The following PLCB4 variants were observed in gnomAD, a reference collection of about 807,000 sequenced individuals.
PLCB4 encodes the protein phospholipase C beta 4.
Under a neutral mutation model 178.8 loss-of-function variants are expected in PLCB4, and 77 were observed. The observed-to-expected ratio is 0.43, with a 90% CI of 0.36 to 0.52. PLCB4 has a LOEUF of 0.52. Among genes scored for constraint, PLCB4 ranks in the 20% least tolerant of loss-of-function variants. The pLI is 0.00. For missense variants in PLCB4, 1,024 were observed against 1,453.4 expected, an observed-to-expected ratio of 0.70 and a Z score of 4.80; for synonymous variants, 496 against 490.8, an observed-to-expected ratio of 1.01 and a Z score of -0.14.
intron 2 of PLCB4, among the ~76,000 whole-genome samples, chr20:9,098,741 A>ATGTGTGTGTGTGTGTG (rs35465129): frequency 3.0e-5 from 4 of 135,466 alleles, no homozygotes; most frequent in Non-Finnish European, 3.1e-5. Context: ...ATATACATAT[A>ATGTGTGTGTGTGTGTG]TGTGTGTGTG....
intron 2 of PLCB4, 30 bp from the exon 3 acceptor site, chr20:9,217,360 A>G (rs2093745097): frequency 6.6e-6 from 1 of 152,196 alleles, no homozygotes; most frequent in South Asian, 2.1e-4. Context: ...AGTCCTTTAC[A>G]TCGATTTGTC....
chr20:9,265,351 C>A (rs1569040433), intron 3 of PLCB4, among the ~76,000 whole-genome samples: 1 of 152,044 alleles, frequency 6.6e-6, no homozygotes, highest in Non-Finnish European at 1.5e-5. Flanking sequence ...GGCATGTTGC[C>A]ACACGCCTGT....
intron 3 of PLCB4, among the ~76,000 whole-genome samples, chr20:9,276,649 C>T (rs1355123140): frequency 6.6e-6 from 1 of 152,058 alleles, no homozygotes; most frequent in Non-Finnish European, 1.5e-5. Flanking sequence ...GCTCTTTCTT[C>T]CCATCATACC....
chr20:9,246,606 C>T (rs939869813), intron 3 of PLCB4, among the ~76,000 whole-genome samples: 10 of 151,676 alleles, frequency 6.6e-5, no homozygotes, highest in Admixed American at 6.6e-4. Context: ...GACAGCACTG[C>T]TTTTTTCAAC....
chr20:9,239,881 T>C (rs2094038050), intron 3 of PLCB4, among the ~76,000 whole-genome samples: 1 of 151,976 alleles, frequency 6.6e-6, no homozygotes, highest in Non-Finnish European at 1.5e-5. Context: ...GAACTTGGAG[T>C]CCAGTGTTCA....
Position 9,272,237 on chromosome 20 carries a change from G to A in PLCB4, c.-15-35563G>A, listed in dbSNP as rs577316042. ...AATATCAAGGTACCATGGCTAAGAAGGTATAACAATTTCTTAATACAGAAC... is the reference window on the plus strand; with the variant it reads ...AATATCAAGGTACCATGGCTAAGAAAGTATAACAATTTCTTAATACAGAAC... On this transcript the variant is annotated intron_variant, in intron 3 of 39. Coordinates refer to ENST00000378473, the MANE Select transcript of PLCB4 (RefSeq NM_001377142.1). Among the ~76,000 whole-genome samples, 19 of 151,918 alleles carry A rather than the reference G, an allele frequency of 1.3e-4. No homozygotes were observed. In the South Asian group the frequency reaches 2.3e-3, roughly 18 times the overall value.
At chr20:9,120,651 G>C (rs1161108517) in intron 2 of PLCB4, among the ~76,000 whole-genome samples, 1 of 152,008 alleles carries the variant, frequency 6.6e-6, no homozygotes, top group Non-Finnish European at 1.5e-5. Flanking sequence ...ATATGTTCCT[G>C]CACTCCCTTG....
intron 4 of PLCB4, among the ~76,000 whole-genome samples, chr20:9,317,303 A>G (rs2094909685): frequency 1.3e-5 from 2 of 152,082 alleles, no homozygotes; most frequent in Admixed American, 6.5e-5. Context: ...CCTTATCTTG[A>G]TAGATCATTG....
At position 9,380,111 on chromosome 20, in the gene PLCB4, G is replaced by A. The variant is rs761141721; in HGVS notation, c.802G>A (p.Ala268Thr). 3.1e-6 allele frequency: 5 copies of A among 1,597,096 alleles called. No individual in the cohort carries two copies. The South Asian group carries it at 3.4e-5, about 11-fold the overall frequency. ...ILFPFYDAKR[A>T]MQIIEMYEPD... is the part of the protein sequence containing the mutation. Reference sequence around the variant, plus strand: ...ATTTCCATTTTATGATGCCAAAAGGGCAATGCAGATCATTGAGATGTATGA... The same window carrying A: ...ATTTCCATTTTATGATGCCAAAAGGACAATGCAGATCATTGAGATGTATGA... Residue 268 changes from alanine (A) to threonine (T), a missense_variant, in exon 13 of 40, where the codon GCA becomes ACA. Around this residue, in one of 7 missense-constraint regions of PLCB4, gnomAD observed 37 missense variants for 28.6 expected, o/e 1.30. Coordinates refer to ENST00000378473, the MANE Select transcript of PLCB4 (RefSeq NM_001377142.1).
At chr20:9,413,303 A>G (rs2039987868) in intron 25 of PLCB4, among the ~76,000 whole-genome samples, 1 of 151,950 alleles carries the variant, frequency 6.6e-6, no homozygotes, top group Admixed American at 6.6e-5. Flanking sequence ...TGCAGGGAGT[A>G]TTGTTTCTGT....
intron 9 of PLCB4, among the ~76,000 whole-genome samples, chr20:9,366,119 G>C (rs1460730166): frequency 1.3e-4 from 20 of 152,110 alleles, no homozygotes; most frequent in Admixed American, 1.3e-3. Flanking sequence ...GCAGGGCATG[G>C]TGGCTCATAC....
intron 2 of PLCB4, among the ~76,000 whole-genome samples, chr20:9,169,049 A>G (rs1229593997): frequency 6.6e-6 from 1 of 152,112 alleles, no homozygotes; most frequent in East Asian, 1.9e-4. Flanking sequence ...TGTCCTGCCA[A>G]TCAGGAGCCT....
chr20:9,365,324 A>G (rs1350130266), intron 8 of PLCB4, 137 bp from the exon 9 acceptor site: 3 of 575,238 alleles, frequency 5.2e-6, no homozygotes, highest in Non-Finnish European at 9.3e-6. Context: ...CCCTAAATTC[A>G]TCTTATAGCA....
chr20:9,418,428 C>A (rs2040400646), intron 25 of PLCB4, among the ~76,000 whole-genome samples: 1 of 152,130 alleles, frequency 6.6e-6, no homozygotes, highest in African/African-American at 2.4e-5. Context: ...ACTATTCTTT[C>A]ACCCATTGAT....
chr20:9,468,740 T>C (rs570539302), intron 36 of PLCB4, 68 bp downstream of exon 36: 2 of 889,744 alleles, frequency 2.2e-6, no homozygotes, highest in South Asian at 2.8e-5. Flanking sequence ...ACTTTCTTTA[T>C]GTGTGTACAC....
chr20:9,095,155 A>G (rs1413020260), intron 1 of PLCB4, among the ~76,000 whole-genome samples: 1 of 152,212 alleles, frequency 6.6e-6, no homozygotes, highest in African/African-American at 2.4e-5. Context: ...ACATGGTTGC[A>G]GGGTTCACGA....
chr20:9,403,419 CAG>C (rs1445402479), intron 20 of PLCB4, among the ~76,000 whole-genome samples: 1 of 151,962 alleles, frequency 6.6e-6, no homozygotes, highest in Admixed American at 6.6e-5. Flanking sequence ...GGAAAGAGAA[CAG>C]TGTTAACAGA....
chr20:9,467,652 T>G (rs971721132), intron 35 of PLCB4, among the ~76,000 whole-genome samples: 2 of 152,158 alleles, frequency 1.3e-5, no homozygotes, highest in Admixed American at 1.3e-4. Flanking sequence ...CCTAACAAGT[T>G]ATGGTAAAAT....
intron 11 of PLCB4, among the ~76,000 whole-genome samples, chr20:9,372,626 A>G (rs766513728): frequency 6.6e-5 from 10 of 151,626 alleles, no homozygotes; most frequent in East Asian, 1.9e-4. Flanking sequence ...TTTTTTTTGC[A>G]TTGGCTTTAC....
Sources: gnomAD v4.1 joint callset for allele counts (sites outside exome capture counted in the v4.1 genomes callset) on GRCh38, gnomAD v4.1.1 for gene constraint, gnomAD v4.1.1 regional missense constraint, MANE v1.5 for transcripts, NCBI Gene and HGNC (gene_info 2026-07-23, HGNC 2026-07-21) for gene names.